Variants in GALNTL6 observed in about 807,000 individuals in gnomAD.
The protein encoded by GALNTL6 is polypeptide N-acetylgalactosaminyltransferase like 6, also known as polypeptide N-acetylgalactosaminyltransferase-like 6.
GALNTL6 carries 46 observed loss-of-function variants against 73.7 expected under a neutral mutation model. The observed-to-expected ratio is 0.62, with a 90% CI of 0.49 to 0.80. The LOEUF (loss-of-function observed/expected upper bound fraction) is 0.80. GALNTL6 is among the 30% of genes least tolerant of loss of function. The probability of loss-of-function intolerance (pLI) is 0.00; values close to 1 mark genes in which losing one functional copy is unlikely to be tolerated. For missense variants in GALNTL6, 604 were observed against 755.0 expected (o/e 0.80, Z 2.34); for synonymous variants, 259 against 263.7 (o/e 0.98, Z 0.17).
intron 2 of GALNTL6, among the ~76,000 whole-genome samples, chr4:171,982,931 G>T (rs139609167): frequency 6.6e-6 from 1 of 152,208 alleles, no homozygotes; most frequent in Non-Finnish European, 1.5e-5. Flanking sequence ...CTTTTCACAT[G>T]TAAAATGTAG....
chr4:172,281,410 T>C (rs1179153323), intron 3 of GALNTL6, among the ~76,000 whole-genome samples: 1 of 152,070 alleles, frequency 6.6e-6, no homozygotes, highest in Non-Finnish European at 1.5e-5. Context: ...TAAAAGACCC[T>C]GTTGACCAGG....
intron 5 of GALNTL6, among the ~76,000 whole-genome samples, chr4:172,531,949 TAA>T (rs1162743410): frequency 6.6e-6 from 1 of 152,182 alleles, no homozygotes; most frequent in African/African-American, 2.4e-5. Flanking sequence ...AATTCAAAGA[TAA>T]AGTTATTAAG....
At chr4:173,014,584 C>T (rs1752699734) in intron 11 of GALNTL6, among the ~76,000 whole-genome samples, 1 of 152,076 alleles carries the variant, frequency 6.6e-6, no homozygotes, top group Non-Finnish European at 1.5e-5. Flanking sequence ...TTTTTTCTCT[C>T]TTTGGGAAAA....
At chr4:172,906,108 T>C (rs1008104276) in intron 8 of GALNTL6, among the ~76,000 whole-genome samples, 2 of 152,154 alleles carry the variant, frequency 1.3e-5, no homozygotes, top group African/African-American at 4.8e-5. Flanking sequence ...GAACTTCCCC[T>C]GGATGAGTTT....
chr4:171,910,355 C>G (rs1219302896), intron 2 of GALNTL6, among the ~76,000 whole-genome samples: 1 of 151,864 alleles, frequency 6.6e-6, no homozygotes, highest in East Asian at 1.9e-4. Context: ...AAAGTAGAAT[C>G]AGGCAAACAG....
intron 3 of GALNTL6, among the ~76,000 whole-genome samples, chr4:172,240,250 A>G (rs903414001): frequency 6.6e-6 from 1 of 151,344 alleles, no homozygotes; most frequent in Non-Finnish European, 1.5e-5. Context: ...TTGAGATGGG[A>G]TCTCACTCTG....
chr4:171,905,859 A>C (rs1737259775), intron 2 of GALNTL6, among the ~76,000 whole-genome samples: 1 of 151,262 alleles, frequency 6.6e-6, no homozygotes, highest in Non-Finnish European at 1.5e-5. Context: ...CCGCTCAACT[A>C]CATGGAAACT....
chr4:172,069,535 A>ATGTTATATATAACACATATATGTG lies in GALNTL6; in HGVS notation c.139-160120_139-160119insGTTATATATAACACATATATGTGT, dbSNP rs58953734. Among the ~76,000 whole-genome samples, 5 of 55,984 alleles carry ATGTTATATATAACACATATATGTG rather than the reference A, an allele frequency of 8.9e-5. 1 individual carries two copies. In the South Asian group the frequency reaches 2.5e-3, roughly 28 times the overall value. 36.7% of individuals were successfully genotyped at this position (55,984 alleles called of 152,430 possible). A position where few individuals can be genotyped will look rare whatever the true frequency, so the allele number is the denominator to read the frequency against. ...TATATGTTATATGTATAACACATATATTATATATAACACATATATGTTATA... is the reference window on the plus strand; with the variant it reads ...TATATGTTATATGTATAACACATATATGTTATATATAACACATATATGTGTTATATATAACACATATATGTTATA... On this transcript the variant is annotated intron_variant, in intron 2 of 12. Transcript: ENST00000506823.
chr4:172,129,521 A>G (rs1271810636), intron 2 of GALNTL6, among the ~76,000 whole-genome samples: 1 of 152,206 alleles, frequency 6.6e-6, no homozygotes, highest in African/African-American at 2.4e-5. Context: ...TTGGGCGTTT[A>G]TTCCTTTCAG....
At chr4:172,499,940 C>G (rs1734202086) in intron 5 of GALNTL6, among the ~76,000 whole-genome samples, 1 of 152,046 alleles carries the variant, frequency 6.6e-6, no homozygotes, top group African/African-American at 2.4e-5. Context: ...TAATTCTTAC[C>G]ATCAGAATAA....
intron 3 of GALNTL6, among the ~76,000 whole-genome samples, chr4:172,253,215 A>G (rs552850023): frequency 1.3e-5 from 2 of 151,972 alleles, no homozygotes; most frequent in Non-Finnish European, 2.9e-5. Context: ...CGGATATGTC[A>G]TAGAATTTGG....
At chr4:171,903,703 A>G (rs1224603602) in intron 2 of GALNTL6, among the ~76,000 whole-genome samples, 1 of 151,390 alleles carries the variant, frequency 6.6e-6, no homozygotes, top group African/African-American at 2.4e-5. Context: ...GCACAGACAA[A>G]CAAAAAGACA....
intron 5 of GALNTL6, among the ~76,000 whole-genome samples, chr4:172,436,409 C>A (rs901412395): frequency 1.3e-5 from 2 of 152,002 alleles, no homozygotes; most frequent in Admixed American, 1.3e-4. Context: ...AAGGCATTGC[C>A]CATCCTTGCA....
At chr4:172,492,006 G>T (rs966332807) in intron 5 of GALNTL6, among the ~76,000 whole-genome samples, 2 of 152,082 alleles carry the variant, frequency 1.3e-5, no homozygotes, top group African/African-American at 4.8e-5. Flanking sequence ...CCATTGAGTG[G>T]TTCTAACCTG....
rs550888470 is a variant in GALNTL6 at position 172,426,483 on chromosome 4, C to T, written c.553+77794C>T. On this transcript the variant is annotated intron_variant, in intron 5 of 12. Transcript: ENST00000506823. ...TCATCCAGTTTCTAAATAGTATCCC[C>T]GGCACAAAAACAGCTGAATTTTAAA... is the stretch of plus-strand genomic sequence containing the variant. Among the ~76,000 whole-genome samples, 9 of 152,062 alleles carry T rather than the reference C, an allele frequency of 5.9e-5. No homozygotes were observed. In the South Asian group the frequency reaches 1.2e-3, roughly 21 times the overall value.
At chr4:172,148,614 A>T (rs1733988177) in intron 2 of GALNTL6, among the ~76,000 whole-genome samples, 1 of 152,196 alleles carries the variant, frequency 6.6e-6, no homozygotes, top group Non-Finnish European at 1.5e-5. Context: ...CAAATTTCCT[A>T]TGCATGTTAT....
intron 5 of GALNTL6, among the ~76,000 whole-genome samples, chr4:172,706,848 T>C (rs764216576): frequency 4.6e-5 from 7 of 152,204 alleles, no homozygotes; most frequent in Non-Finnish European, 8.8e-5. Context: ...TCTAACTTGC[T>C]GTCTCCTTTG....
Position 172,031,364 on chromosome 4 carries a change from C to A in GALNTL6, c.139-198292C>A, listed in dbSNP as rs576617681. Among the ~76,000 whole-genome samples, 11 of 152,190 alleles carry A rather than the reference C, an allele frequency of 7.2e-5. No individual in the cohort carries two copies. In the East Asian group the frequency reaches 2.1e-3, roughly 29 times the overall value. ...AATAGGGAAGAATAGAAAACAAACTCCAATGGGGTACAAGATAGAAAAAGG... is the reference window on the plus strand; with the variant it reads ...AATAGGGAAGAATAGAAAACAAACTACAATGGGGTACAAGATAGAAAAAGG... On this transcript the variant is annotated intron_variant, in intron 2 of 12. Coordinates refer to ENST00000506823, the MANE Select transcript of GALNTL6 (RefSeq NM_001034845.3).
intron 2 of GALNTL6, among the ~76,000 whole-genome samples, chr4:172,063,841 C>T (rs1242787937): frequency 6.6e-6 from 1 of 152,116 alleles, no homozygotes; most frequent in African/African-American, 2.4e-5. Flanking sequence ...GAAAAATGCA[C>T]ACGATAATGT....
Sources: allele counts gnomAD v4.1 joint callset (sites outside exome capture counted in the v4.1 genomes callset), GRCh38; gene constraint gnomAD v4.1.1; transcripts MANE v1.5; gene names NCBI Gene and HGNC (gene_info 2026-07-23, HGNC 2026-07-21).